Variants in CTNNA2 observed in about 807,000 individuals in gnomAD.
CTNNA2 encodes the protein catenin alpha 2, also known as catenin alpha-2.
CTNNA2 carries 42 observed loss-of-function variants against 101.0 expected under a neutral mutation model. The ratio of observed to expected loss-of-function variants is 0.42; its 90% CI spans 0.32 to 0.54. CTNNA2 has a LOEUF of 0.54. Among genes scored for constraint, CTNNA2 ranks in the 20% least tolerant of loss-of-function variants. The pLI, the probability that CTNNA2 is intolerant of heterozygous loss-of-function variation, is 0.14. For synonymous variants in CTNNA2, 450 were observed against 456.4 expected, an observed-to-expected ratio of 0.99 and a Z score of 0.18; for missense variants, 871 against 1,223.1, an observed-to-expected ratio of 0.71 and a Z score of 4.29.
At chr2:79,414,385 T>C (rs1678453292) in intron 4 of CTNNA2, among the ~76,000 whole-genome samples, 1 of 151,916 alleles carries the variant, frequency 6.6e-6, no homozygotes, top group Non-Finnish European at 1.5e-5. Context: ...TGAGACAAAA[T>C]AGAAATCCCT....
Position 80,302,757 on chromosome 2 carries a change from C to G in CTNNA2, c.1057-90454C>G, listed in dbSNP as rs377040455. The G allele has an allele frequency of 6.2e-7, 1 of 1,613,078 alleles. No individual in the cohort carries two copies. The highest frequency in any genetic ancestry group is 1.3e-5 in the African/African-American group (1 of 74,934). Reference sequence around the variant, plus strand: ...CACAGGTGGAAGGCGTACACGGCGTCCAGGACGTCCTCGCCCTGTGCGTAC... The same window carrying G: ...CACAGGTGGAAGGCGTACACGGCGTGCAGGACGTCCTCGCCCTGTGCGTAC... On this transcript the variant is annotated intron_variant, in intron 7 of 18. Transcript: ENST00000402739. This position sits in a 1 kb window ranked among gnomAD's most constrained non-coding sequence, Gnocchi z 6.4.
intron 7 of CTNNA2, among the ~76,000 whole-genome samples, chr2:80,148,692 A>T (rs560199572): frequency 6.6e-6 from 1 of 152,252 alleles, no homozygotes; most frequent in South Asian, 2.1e-4. Flanking sequence ...AAGTTTATGA[A>T]CGTATGCCAT....
chr2:80,247,997 C>G (rs898948892), intron 7 of CTNNA2, among the ~76,000 whole-genome samples: 1 of 151,616 alleles, frequency 6.6e-6, no homozygotes, highest in Non-Finnish European at 1.5e-5. Flanking sequence ...ATTGGTACCT[C>G]TATCATTTGT....
At chr2:79,607,132 C>T (rs1284949934) in intron 1 of CTNNA2, among the ~76,000 whole-genome samples, 3 of 152,056 alleles carry the variant, frequency 2.0e-5, no homozygotes, top group African/African-American at 4.8e-5. Flanking sequence ...AATGACTACA[C>T]GAATATTAGA....
At chr2:80,628,070 C>T (rs147054312) in intron 18 of CTNNA2, among the ~76,000 whole-genome samples, 1 of 152,022 alleles carries the variant, frequency 6.6e-6, no homozygotes, top group African/African-American at 2.4e-5. Context: ...TATAAAGGAC[C>T]TCTTCAAGGA....
At chr2:80,024,630 T>C (rs931234416) in intron 7 of CTNNA2, among the ~76,000 whole-genome samples, 5 of 152,164 alleles carry the variant, frequency 3.3e-5, no homozygotes, top group African/African-American at 1.2e-4. Context: ...GTCACTCCGC[T>C]CTGGTGGGAG....
intron 7 of CTNNA2, among the ~76,000 whole-genome samples, chr2:80,063,980 A>G (rs1261511136): frequency 1.3e-5 from 2 of 152,228 alleles, no homozygotes; most frequent in East Asian, 3.8e-4. Context: ...ATATAAACTG[A>G]AAATAAAATA....
At chr2:79,774,485 A>C (rs1316370652) in intron 3 of CTNNA2, among the ~76,000 whole-genome samples, 1 of 152,138 alleles carries the variant, frequency 6.6e-6, no homozygotes, top group Non-Finnish European at 1.5e-5. Flanking sequence ...TTAATGCAGC[A>C]ATATGTAACT....
chr2:80,637,893 G>GGAGGGTA (rs1673047918), intron 18 of CTNNA2, among the ~76,000 whole-genome samples: 1 of 152,160 alleles, frequency 6.6e-6, no homozygotes, highest in Non-Finnish European at 1.5e-5. Flanking sequence ...ATTGCATGCT[G>GGAGGGTA]GAGGGTAGGA....
chr2:79,817,554 G>C (rs1217202636), intron 3 of CTNNA2, among the ~76,000 whole-genome samples: 1 of 151,836 alleles, frequency 6.6e-6, no homozygotes, highest in Admixed American at 6.6e-5. Context: ...CCCTTTCCCT[G>C]TGCTCTGTCT....
intron 7 of CTNNA2, among the ~76,000 whole-genome samples, chr2:79,930,305 AAAGAAAGAAAGAAAG>A: frequency 1.7e-5 from 1 of 59,028 alleles, no homozygotes; most frequent in African/African-American, 8.0e-5. Flanking sequence ...AGAAAGAAAG[AAAGAAAGAAAGAAAG>A]AAAGAAAGAA....
chr2:79,744,609 G>T (rs1404273624), intron 3 of CTNNA2, 27 bp downstream of exon 3: 1 of 1,604,510 alleles, frequency 6.2e-7, no homozygotes, highest in Admixed American at 1.7e-5. Flanking sequence ...TATTGTTCAA[G>T]GCGGATCTAT....
intron 7 of CTNNA2, among the ~76,000 whole-genome samples, chr2:80,341,994 TA>T (rs1168097376): frequency 2.0e-5 from 3 of 152,222 alleles, no homozygotes; most frequent in African/African-American, 7.2e-5. Context: ...TTGTGCTAAG[TA>T]AAGGAAGATA....
In CTNNA2 at chr2:79,294,310, C is replaced by G. The variant is rs528046107; in HGVS notation, c.-405-18399C>G. ...CAAGGAGAAAGAGAGAGAGAGGGTG[C>G]TAGCTCTCTCTGGTATCTATTCTTA... On this transcript the variant is annotated intron_variant, in intron 2 of 21. Coordinates refer to the CTNNA2 transcript ENST00000466387. Among the ~76,000 whole-genome samples the G allele has an allele frequency of 3.8e-4, 57 of 151,976 alleles. 1 individual carries two copies. The highest frequency in any genetic ancestry group is 1.4e-3 in the African/African-American group (56 of 41,458).
chr2:80,567,736 T>C (rs1311897790), intron 12 of CTNNA2, among the ~76,000 whole-genome samples: 1 of 152,148 alleles, frequency 6.6e-6, no homozygotes, highest in Non-Finnish European at 1.5e-5. Context: ...CCCTAATCTT[T>C]ACCGAATTCC....
At chr2:79,326,069 G>A (rs1676738827) in intron 3 of CTNNA2, among the ~76,000 whole-genome samples, 1 of 152,072 alleles carries the variant, frequency 6.6e-6, no homozygotes, top group Non-Finnish European at 1.5e-5. Flanking sequence ...CAGGAACTTG[G>A]TTACATCAGC....
chr2:79,882,734 A>G (rs1051935137), intron 6 of CTNNA2, among the ~76,000 whole-genome samples: 7 of 151,732 alleles, frequency 4.6e-5, no homozygotes, highest in Admixed American at 2.0e-4. Context: ...GCTGGTCACT[A>G]CTCCCCCTGG....
chr2:79,709,081 T>A (rs1184420596), intron 2 of CTNNA2, among the ~76,000 whole-genome samples: 1 of 152,172 alleles, frequency 6.6e-6, no homozygotes, highest in Non-Finnish European at 1.5e-5. Context: ...TAAATGTATA[T>A]CCTATACTGG....
At chr2:79,466,926 A>G (rs1300034255) in intron 4 of CTNNA2, among the ~76,000 whole-genome samples, 1 of 152,226 alleles carries the variant, frequency 6.6e-6, no homozygotes, top group Non-Finnish European at 1.5e-5. Flanking sequence ...AAAGATGGGG[A>G]AAAAACAGAG....
Sources: gnomAD v4.1 joint callset for allele counts (sites outside exome capture counted in the v4.1 genomes callset) on GRCh38, gnomAD v4.1.1 for gene constraint, Gnocchi (gnomAD v3.1) non-coding constraint, MANE v1.5 for transcripts, NCBI Gene and HGNC (gene_info 2026-07-23, HGNC 2026-07-21) for gene names.